The following SLC17A3 variants were observed in gnomAD, a reference collection of about 807,000 sequenced individuals.
SLC17A3 encodes the protein solute carrier family 17 member 3.
In SLC17A3, 61 loss-of-function variants were observed where a neutral mutation model predicts 60.3. The observed-to-expected ratio is 1.01, with a 90% CI of 0.82 to 1.25. The LOEUF (loss-of-function observed/expected upper bound fraction) is 1.25, where lower values mean the gene tolerates loss of function less well. Ranked by LOEUF, SLC17A3 falls within the 50% of genes most tolerant of loss-of-function variation. The pLI is 0.00. For synonymous variants in SLC17A3, 192 were observed against 208.9 expected (o/e 0.92, Z 0.70); for missense variants, 624 against 594.9 (o/e 1.05, Z -0.51).
intron 6 of SLC17A3, among the ~76,000 whole-genome samples, chr6:25,852,127 G>GT (rs1248350414): frequency 6.6e-6 from 1 of 151,724 alleles, no homozygotes; most frequent in Non-Finnish European, 1.5e-5. Flanking sequence ...TTCTGTTTCG[G>GT]TTTGTTTTTT....
chr6:25,869,507 A>G (rs1765602978), intron 1 of SLC17A3, among the ~76,000 whole-genome samples: 1 of 151,946 alleles, frequency 6.6e-6, no homozygotes, highest in Admixed American at 6.6e-5. Flanking sequence ...CCAAGACAGG[A>G]GTGACATAAG....
At chr6:25,858,274 G>T (rs1765392428) in intron 5 of SLC17A3, among the ~76,000 whole-genome samples, 1 of 152,122 alleles carries the variant, frequency 6.6e-6, no homozygotes, top group Admixed American at 6.6e-5. Flanking sequence ...TTCCCAAAAG[G>T]CTGTGCTAAC....
At chr6:25,860,348 TA>T (rs757691046) in intron 5 of SLC17A3, among the ~76,000 whole-genome samples, 11 of 152,136 alleles carry the variant, frequency 7.2e-5, no homozygotes, top group Non-Finnish European at 1.6e-4. Flanking sequence ...GCCCTTCCAC[TA>T]AAGGCAGGTG....
intron 1 of SLC17A3, among the ~76,000 whole-genome samples, 178 bp downstream of exon 1, chr6:25,873,989 G>A (rs1052226188): frequency 1.3e-5 from 2 of 152,108 alleles, no homozygotes; most frequent in African/African-American, 4.8e-5. Flanking sequence ...CAAAGCTTCA[G>A]CTTCCTGCCA....
In SLC17A3 at chr6:25,845,388, A is replaced by G; in HGVS notation, c.1491T>C (p.Arg497=). The G allele has an allele frequency of 1.2e-6, 2 of 1,613,950 alleles. No individual in the cohort carries two copies. The highest frequency in any genetic ancestry group is 1.7e-6 in the Non-Finnish European group (2 of 1,179,894). Residue 497 remains arginine, a synonymous_variant, in exon 12 of 13, where the codon CGT becomes CGC. Transcript: ENST00000397060. ...AAATCACTATCCTTTACCTTCATAA[A>G]CGAGTGAGTTTTCTCTCTTTAGCCC... ...QEWAKERKLT[R]L is the part of the protein sequence containing the mutation.
At chr6:25,855,604 A>G (rs1765345706) in intron 5 of SLC17A3, among the ~76,000 whole-genome samples, 1 of 152,224 alleles carries the variant, frequency 6.6e-6, no homozygotes, top group Non-Finnish European at 1.5e-5. Context: ...AATGTGTTAT[A>G]TAATACATAA....
intron 9 of SLC17A3, 39 bp downstream of exon 9, chr6:25,850,009 T>C (rs1765245322): frequency 6.2e-7 from 1 of 1,613,866 alleles, no homozygotes; most frequent in African/African-American, 1.3e-5. Context: ...GGCTGTTGTA[T>C]GCTACGCAAA....
At position 25,850,856 on chromosome 6, in the gene SLC17A3, C is replaced by G. The variant is rs745318088; in HGVS notation, c.734G>C (p.Cys245Ser). The G allele has an allele frequency of 6.2e-7, 1 of 1,614,032 alleles. No individual in the cohort carries two copies. The highest frequency in any genetic ancestry group is 2.2e-5 in the East Asian group (1 of 44,872). ...ATAAATCACAACAAACCAGAGAAGG[C>G]AGCAGACACAGCCAACACCTCCTGT... Reference protein sequence around the residue: ...YIFGGVGCVCCLLWFVVIYDD... With the variant: ...YIFGGVGCVCSLLWFVVIYDD... The change falls in exon 7 of 13, where the codon TGC becomes TCC. Residue 245 changes from cysteine to serine, a missense_variant. Coordinates refer to ENST00000397060, the MANE Select transcript of SLC17A3 (RefSeq NM_001098486.2).
At chr6:25,849,286 A>T in intron 11 of SLC17A3, 88 bp downstream of exon 11, 2 of 795,760 alleles carry the variant, frequency 2.5e-6, no homozygotes, top group Non-Finnish European at 4.4e-6. Context: ...ATTTAACTTT[A>T]TTTTTCAGTC....
At chr6:25,861,092 C>A (rs1181062395) in intron 5 of SLC17A3, among the ~76,000 whole-genome samples, 1 of 152,146 alleles carries the variant, frequency 6.6e-6, no homozygotes, top group Non-Finnish European at 1.5e-5. Flanking sequence ...TGTCCATTTT[C>A]CACACTTCCC....
chr6:25,871,540 TG>T (rs1242302555), intron 1 of SLC17A3, among the ~76,000 whole-genome samples: 2 of 151,710 alleles, frequency 1.3e-5, no homozygotes, highest in African/African-American at 4.8e-5. Flanking sequence ...TAATGTTAAA[TG>T]ATGAGTTAAT....
In SLC17A3 at chr6:25,861,932, G is replaced by A. The variant is rs772456900; in HGVS notation, c.401C>T (p.Ala134Val). 1.3e-5 allele frequency: 21 copies of A among 1,612,630 alleles called. No individual in the cohort carries two copies. The highest frequency in any genetic ancestry group is 1.7e-5 in the Non-Finnish European group (20 of 1,179,424). Residue 134 changes from alanine to valine, a missense_variant, in exon 4 of 13, where the codon GCT (alanine) becomes GTT (valine). Coordinates refer to ENST00000397060, the MANE Select transcript of SLC17A3 (RefSeq NM_001098486.2). ...ILTMAPSGYL[A>V]GRVGTKRVVG... The stretch of plus-strand genomic sequence containing the variant: ...CACTCGCTTTGTTCCTACTCTTCCA[G>A]CCAGGTATCCACTGGGAGCCATTGT...
At chr6:25,858,326 C>T (rs1444721655) in intron 5 of SLC17A3, among the ~76,000 whole-genome samples, 1 of 152,180 alleles carries the variant, frequency 6.6e-6, no homozygotes, top group Non-Finnish European at 1.5e-5. Flanking sequence ...TCAGCCAACT[C>T]CCAACACACC....
Position 25,848,420 on chromosome 6 carries a change from T to C in SLC17A3, c.1362+954A>G, listed in dbSNP as rs762048283. Among the ~76,000 whole-genome samples, 148 of 152,172 alleles carry C rather than the reference T, an allele frequency of 9.7e-4. 1 individual carries two copies. The highest frequency in any genetic ancestry group is 1.2e-3 in the Admixed American group (19 of 15,276). On this transcript the variant is annotated intron_variant, in intron 11 of 12. Transcript: ENST00000397060. ...CTTGCAGGAGTAAGGTAATATCGCA[T>C]TGTGGTTTTGATTTGCATTTCCCTG...
At chr6:25,858,074 G>A (rs1765387902) in intron 5 of SLC17A3, among the ~76,000 whole-genome samples, 1 of 152,074 alleles carries the variant, frequency 6.6e-6, no homozygotes, top group Non-Finnish European at 1.5e-5. Context: ...GGAGTGCAGT[G>A]GCATGATCTC....
chr6:25,845,397 T>G lies in SLC17A3; in HGVS notation c.1482A>C (p.Lys494Asn). ...ADVQEWAKER[K>N]LTRL ...TCCTTTACCTTCATAAACGAGTGAG[T>G]TTTCTCTCTTTAGCCCATTCTTGGA... Residue 494 changes from lysine (K) to asparagine (N), a missense_variant, in exon 12 of 13, where the codon AAA (lysine) becomes AAC (asparagine). Coordinates refer to ENST00000397060, the MANE Select transcript of SLC17A3 (RefSeq NM_001098486.2). The G allele has an allele frequency of 6.2e-6, 10 of 1,613,918 alleles. No homozygotes were observed. The highest frequency in any genetic ancestry group is 7.6e-6 in the Non-Finnish European group (9 of 1,179,916).
chr6:25,857,557 C>CAA (rs577314037), intron 5 of SLC17A3, among the ~76,000 whole-genome samples: 1 of 113,580 alleles, frequency 8.8e-6, no homozygotes, highest in Admixed American at 9.1e-5. Flanking sequence ...CACATAACGT[C>CAA]AAAAAAAAAA....
chr6:25,862,182 G>A lies in SLC17A3; in HGVS notation c.303+51C>T, dbSNP rs761175840. On this transcript the variant is annotated intron_variant, in intron 3 of 12. Coordinates refer to ENST00000397060, the MANE Select transcript of SLC17A3 (RefSeq NM_001098486.2). ...ATACTCTAGAAAAATAAATATCCAA[G>A]CAAATAAACAGCAAAAAGAAAAGCA... The A allele has an allele frequency of 8.6e-6, 13 of 1,514,518 alleles. No individual in the cohort carries two copies. The Admixed American group carries it at 1.4e-4, about 16-fold the overall frequency. The allele number at this position is 1,514,518 out of a possible 1,614,324, so 93.8% of individuals were successfully genotyped here.
chr6:25,849,248 G>A, intron 11 of SLC17A3, 126 bp downstream of exon 11: 1 of 692,750 alleles, frequency 1.4e-6, no homozygotes, highest in Non-Finnish European at 2.6e-6. Flanking sequence ...TTCTTTAGCA[G>A]GTTCATCTTA....
Sources: gnomAD v4.1 joint callset for allele counts (sites outside exome capture counted in the v4.1 genomes callset) on GRCh38, gnomAD v4.1.1 for gene constraint, MANE v1.5 for transcripts, NCBI Gene and HGNC (gene_info 2026-07-23, HGNC 2026-07-21) for gene names.